PLEKHA8: variants seen among roughly 807,000 people sequenced by gnomAD.
The protein encoded by PLEKHA8 is pleckstrin homology domain-containing family A member 8.
In PLEKHA8, 36 loss-of-function variants were observed where a neutral mutation model predicts 68.2. That is an observed-to-expected ratio of 0.53 (90% CI 0.40 to 0.70). The LOEUF is 0.70. Among genes scored for constraint, PLEKHA8 ranks in the 30% least tolerant of loss-of-function variants. The pLI, the probability that PLEKHA8 is intolerant of heterozygous loss-of-function variation, is 0.00. For missense variants in PLEKHA8, 505 were observed against 615.4 expected, an observed-to-expected ratio of 0.82 and a Z score of 1.90; for synonymous variants, 211 against 216.1, an observed-to-expected ratio of 0.98 and a Z score of 0.20.
Position 30,079,851 on chromosome 7 carries a change from C to T in PLEKHA8, c.*1064C>T, listed in dbSNP as rs1480458064. 1 of 957,074 alleles carries T rather than the reference C, an allele frequency of 1.0e-6. No individual in the cohort carries two copies. Among genetic ancestry groups the T allele is most frequent in the East Asian group, 1.2e-4 (1 of 8,644 alleles). The allele number at this position is 957,074 out of a possible 1,614,324, so 59.3% of individuals were successfully genotyped here. On this transcript the variant is annotated 3_prime_UTR_variant, in exon 14 of 14. Transcript: ENST00000449726. ...TATTGAAGAGCAACTAGATTAAATT[C>T]TAGTTTACAAAATTACCAGTTTTCT...
At chr7:30,065,403 G>C (rs1738743092) in intron 12 of PLEKHA8, among the ~76,000 whole-genome samples, 1 of 151,412 alleles carries the variant, frequency 6.6e-6, no homozygotes, top group South Asian at 2.1e-4. Flanking sequence ...TCCCTCCAAA[G>C]TTCCCCTGTT....
At chr7:30,057,632 T>G (rs1417140891) in intron 9 of PLEKHA8, among the ~76,000 whole-genome samples, 2 of 152,046 alleles carry the variant, frequency 1.3e-5, no homozygotes, top group Admixed American at 1.3e-4. Flanking sequence ...CAATTTTTTT[T>G]GTATTTTTAA....
At chr7:30,036,405 A>AGAAT (rs1791082298) in intron 1 of PLEKHA8, among the ~76,000 whole-genome samples, 1 of 137,290 alleles carries the variant, frequency 7.3e-6, no homozygotes, top group African/African-American at 2.7e-5. Flanking sequence ...AGGATAGGAT[A>AGAAT]GAATAGATAG....
At chr7:30,101,915 G>T (rs898904631) in intron 13 of PLEKHA8, among the ~76,000 whole-genome samples, 3 of 152,068 alleles carry the variant, frequency 2.0e-5, no homozygotes, top group Non-Finnish European at 4.4e-5. Context: ...AACAACAAAA[G>T]AAAATAAATA....
At chr7:30,037,198 A>G (rs1791167866) in intron 1 of PLEKHA8, among the ~76,000 whole-genome samples, 2 of 152,264 alleles carry the variant, frequency 1.3e-5, no homozygotes, top group Admixed American at 1.3e-4. Context: ...ATATGATAAT[A>G]TATATGGGTT....
In PLEKHA8 at chr7:30,084,285, A is replaced by G. The variant is rs1211867030; in HGVS notation, c.*5498A>G. The stretch of plus-strand genomic sequence containing the variant: ...TATTCTTATGAATGTTTGTGGTTTC[A>G]TAGATTTATGCACTTTGAATATCTG... On this transcript the variant is annotated 3_prime_UTR_variant, in exon 14 of 14. Transcript: ENST00000449726. 2 of 985,262 alleles carry G rather than the reference A, an allele frequency of 2.0e-6. No homozygotes were observed. The highest frequency in any genetic ancestry group is 1.1e-4 in the East Asian group (1 of 8,830). The allele number at this position is 985,262 out of a possible 1,614,324, so 61.0% of individuals were successfully genotyped here.
downstream of PLEKHA8, among the ~76,000 whole-genome samples, chr7:30,087,594 G>A (rs1795232840): frequency 1.3e-5 from 2 of 152,186 alleles, no homozygotes; most frequent in Non-Finnish European, 2.9e-5. Context: ...TGCTGTGTCA[G>A]CAAGGCCTGC....
At chr7:30,071,849 C>G (rs1794258543) in intron 12 of PLEKHA8, 1 of 152,250 alleles carries the variant, frequency 6.6e-6, no homozygotes. Context: ...CACCCTCTTG[C>G]CAGCCCAGAT....
intron 1 of PLEKHA8, among the ~76,000 whole-genome samples, chr7:30,036,921 C>A (rs574255011): frequency 1.8e-4 from 27 of 152,262 alleles, no homozygotes; most frequent in African/African-American, 6.3e-4. Context: ...TTCCCTCCTC[C>A]CTAGCTACAA....
At chr7:30,028,930 A>G in intron 1 of PLEKHA8, 128 bp downstream of exon 1, 1 of 1,055,536 alleles carries the variant, frequency 9.5e-7, no homozygotes. Context: ...GCGGAGCGGG[A>G]GTATTTCCCA....
At chr7:30,111,608 T>G (rs1055635947) in intron 13 of PLEKHA8, among the ~76,000 whole-genome samples, 1 of 152,132 alleles carries the variant, frequency 6.6e-6, no homozygotes, top group Non-Finnish European at 1.5e-5. Flanking sequence ...TGGACATTTA[T>G]TTTATTACCA....
intron 11 of PLEKHA8, 113 bp downstream of exon 11, chr7:30,062,140 T>C: frequency 7.6e-7 from 1 of 1,324,472 alleles, no homozygotes; most frequent in Non-Finnish European, 1.0e-6. Context: ...AGTTGAATTG[T>C]GTAGCCTTTT....
intron 4 of PLEKHA8, among the ~76,000 whole-genome samples, chr7:30,048,342 G>A (rs1286796078): frequency 3.3e-5 from 5 of 152,150 alleles, no homozygotes; most frequent in African/African-American, 1.2e-4. Flanking sequence ...CAGTCTTGCA[G>A]AGCCATTTCT....
chr7:30,047,658 C>T (rs1053584669), intron 3 of PLEKHA8, among the ~76,000 whole-genome samples, 174 bp from the exon 4 acceptor site: 1 of 152,082 alleles, frequency 6.6e-6, no homozygotes, highest in Non-Finnish European at 1.5e-5. Flanking sequence ...TCTGGTTTTT[C>T]TTGTTATTAT....
intron 4 of PLEKHA8, 64 bp from the exon 5 acceptor site, chr7:30,049,160 T>G (rs1402867848): frequency 1.9e-6 from 3 of 1,593,454 alleles, no homozygotes; most frequent in Non-Finnish European, 2.6e-6. Context: ...CTAAGGACAT[T>G]CCACAATTGG....
chr7:30,106,153 G>A (rs1471605453), intron 13 of PLEKHA8, among the ~76,000 whole-genome samples: 1 of 151,726 alleles, frequency 6.6e-6, no homozygotes, highest in African/African-American at 2.4e-5. Flanking sequence ...CTGCCTCCCA[G>A]GTTTAAGAGA....
At chr7:30,062,430 G>C (rs1159341984) in intron 11 of PLEKHA8, among the ~76,000 whole-genome samples, 6 of 152,166 alleles carry the variant, frequency 3.9e-5, no homozygotes, top group Non-Finnish European at 8.8e-5. Context: ...AAAGCCACTA[G>C]TCCTGGGACA....
Position 30,081,483 on chromosome 7 carries a change from C to T in PLEKHA8, c.*2696C>T. 1.0e-6 allele frequency: 1 copy of T among 985,230 alleles called. No individual in the cohort carries two copies. Among genetic ancestry groups the T allele is most frequent in the Non-Finnish European group, 1.2e-6 (1 of 829,754 alleles). The allele number at this position is 985,230 out of a possible 1,614,324, so 61.0% of individuals were successfully genotyped here. On this transcript the variant is annotated 3_prime_UTR_variant, in exon 14 of 14. Transcript: ENST00000449726. Reference sequence around the variant, plus strand: ...ATTTGCTCTCTGTTTTAGTTAAAGTCATAATTTGCGCTGATGTGTAATCAC... The same window carrying T: ...ATTTGCTCTCTGTTTTAGTTAAAGTTATAATTTGCGCTGATGTGTAATCAC...
chr7:30,129,642 C>T (rs1357709762), downstream of PLEKHA8: 2 of 280,288 alleles, frequency 7.1e-6, no homozygotes. Context: ...AGTCAAATTC[C>T]TCACATTTTT....
Sources: allele counts gnomAD v4.1 joint callset (sites outside exome capture counted in the v4.1 genomes callset), GRCh38; gene constraint gnomAD v4.1.1; transcripts MANE v1.5; gene names NCBI Gene and HGNC (gene_info 2026-07-23, HGNC 2026-07-21).